Variants in TRPM3 observed in about 807,000 individuals in gnomAD.
TRPM3 encodes the protein long transient receptor potential channel 3.
Under a neutral mutation model 181.2 loss-of-function variants are expected in TRPM3, and 77 were observed. That is an observed-to-expected ratio of 0.42 (90% CI 0.35 to 0.51). TRPM3 has a LOEUF of 0.51. Among genes scored for constraint, TRPM3 ranks in the 20% least tolerant of loss-of-function variants. The pLI is 0.01. For missense variants in TRPM3, 1,759 were observed against 2,196.7 expected (o/e 0.80, Z 3.98); for synonymous variants, 745 against 796.4 (o/e 0.94, Z 1.09).
At chr9:71,077,262 T>C (rs1218123036) in intron 1 of TRPM3, among the ~76,000 whole-genome samples, 1 of 149,106 alleles carries the variant, frequency 6.7e-6, no homozygotes, top group Non-Finnish European at 1.5e-5. Context: ...TCAGAAGTAC[T>C]TCTAGGTTTG....
chr9:70,753,932 G>A (rs962079487), intron 8 of TRPM3, among the ~76,000 whole-genome samples: 4 of 152,106 alleles, frequency 2.6e-5, no homozygotes, highest in African/African-American at 9.7e-5. Flanking sequence ...AGCAGAAGGT[G>A]GTGAACTAGG....
At chr9:71,315,177 C>G (rs183965122) in intron 1 of TRPM3, among the ~76,000 whole-genome samples, 1 of 152,128 alleles carries the variant, frequency 6.6e-6, no homozygotes, top group Admixed American at 6.6e-5. Flanking sequence ...TCTTTTCCAT[C>G]TAGACTCAAG....
At chr9:71,273,165 T>C (rs745695599) in intron 1 of TRPM3, among the ~76,000 whole-genome samples, 7 of 152,114 alleles carry the variant, frequency 4.6e-5, no homozygotes, top group Non-Finnish European at 8.8e-5. Context: ...GCCCAGCCTA[T>C]TAAAGCATTT....
intron 1 of TRPM3, among the ~76,000 whole-genome samples, chr9:71,290,825 G>C (rs968940006): frequency 6.6e-6 from 1 of 151,362 alleles, no homozygotes; most frequent in African/African-American, 2.4e-5. Flanking sequence ...TTATTAAACT[G>C]TATAGGACCT....
At chr9:71,342,809 G>A (rs754788096) in intron 1 of TRPM3, among the ~76,000 whole-genome samples, 4 of 152,094 alleles carry the variant, frequency 2.6e-5, no homozygotes, top group Admixed American at 6.6e-5. Context: ...ATTGGAATGA[G>A]CCAAAATGTC....
upstream of TRPM3, among the ~76,000 whole-genome samples, chr9:71,123,307 A>G (rs932676407): frequency 6.6e-6 from 1 of 152,236 alleles, no homozygotes; most frequent in African/African-American, 2.4e-5. Flanking sequence ...GTATTAGTTA[A>G]CAGCATGAAT....
intron 6 of TRPM3, among the ~76,000 whole-genome samples, chr9:70,788,609 T>C (rs952273628): frequency 2.0e-5 from 3 of 152,106 alleles, no homozygotes; most frequent in African/African-American, 7.2e-5. Flanking sequence ...ATGGTTCAAG[T>C]GCATTGCATT....
At position 70,625,610 on chromosome 9, in the gene TRPM3, G is replaced by GA. The variant is rs2064437054; in HGVS notation, c.1633-94dup. 9 of 1,280,308 alleles carry GA rather than the reference G, an allele frequency of 7.0e-6. No homozygotes were observed. The highest frequency in any genetic ancestry group is 1.3e-5 in the South Asian group (1 of 76,962). 79.3% of individuals were successfully genotyped at this position (1,280,308 alleles called of 1,614,324 possible). On this transcript the variant is annotated intron_variant, in intron 12 of 25. Coordinates refer to ENST00000677713, the MANE Select transcript of TRPM3 (RefSeq NM_001366145.2). This position sits in a 1 kb window ranked among gnomAD's most constrained non-coding sequence, Gnocchi z 4.8. ...ATTTATTCAAGTCTTCAGCTGGGGA[G>GA]AAAAAAACACCAGTGTAGAAGAAAG...
intron 3 of TRPM3, among the ~76,000 whole-genome samples, chr9:70,848,543 T>C (rs1327452454): frequency 2.0e-5 from 3 of 152,092 alleles, no homozygotes; most frequent in African/African-American, 4.8e-5. Flanking sequence ...ACACATCACA[T>C]GTAACACCAA....
intron 1 of TRPM3, among the ~76,000 whole-genome samples, chr9:71,431,647 A>G (rs2093955225): frequency 6.6e-6 from 1 of 152,214 alleles, no homozygotes; most frequent in South Asian, 2.1e-4. Context: ...AAGGGTAGTT[A>G]TATTTGAATT....
chr9:70,537,265 G>C lies in TRPM3; in HGVS notation c.3848C>G (p.Thr1283Arg). 5 of 1,588,076 alleles carry C rather than the reference G, an allele frequency of 3.1e-6. No individual in the cohort carries two copies. The highest frequency in any genetic ancestry group is 4.3e-6 in the Non-Finnish European group (5 of 1,162,370). ...GRMATALERL[T>R]GLERAESNKI... is the part of the protein sequence containing the mutation. ...GTTGGACTCGGCCCGCTCCAGACCT[G>C]TCAGGCGCTCCAGGGCCGTGGCCAT... The change falls in exon 26 of 26, where the codon ACA (threonine) becomes AGA (arginine). Residue 1283 changes from threonine (T) to arginine (R), a missense_variant. By Grantham distance (71) the Thr-to-Arg change is moderately conservative. Transcript: ENST00000677713.
chr9:70,614,337 C>T (rs2062444382), intron 18 of TRPM3, among the ~76,000 whole-genome samples: 1 of 149,530 alleles, frequency 6.7e-6, no homozygotes, highest in African/African-American at 2.5e-5. Context: ...AAAAAAAAGG[C>T]CAGGTGTTGT....
intron 12 of TRPM3, among the ~76,000 whole-genome samples, chr9:70,630,468 G>A (rs2065611605): frequency 6.6e-6 from 1 of 152,222 alleles, no homozygotes; most frequent in African/African-American, 2.4e-5. Flanking sequence ...TGGGGATGGG[G>A]TGGTGCTCAG....
chr9:70,558,259 A>G (rs543259514), intron 22 of TRPM3, among the ~76,000 whole-genome samples: 1 of 152,326 alleles, frequency 6.6e-6, no homozygotes, highest in African/African-American at 2.4e-5. Flanking sequence ...AGCCTTCTAT[A>G]GTCATAAAAA....
At position 71,398,524 on chromosome 9, in the gene TRPM3, T is replaced by C. The variant is rs72735843; in HGVS notation, c.183+48129A>G. 3.5e-3 allele frequency among the ~76,000 whole-genome samples: 525 copies of C among 152,118 alleles called. 3 individuals are homozygous for C. The highest frequency in any genetic ancestry group is 4.6e-3 in the Non-Finnish European group (310 of 67,990). ...TTCCCCCATGGTGTCCTCATGAGAG[T>C]GAATGAGTTCTCAGGAGATCTGATG... On this transcript the variant is annotated intron_variant, in intron 1 of 24. Coordinates refer to the TRPM3 transcript ENST00000357533.
chr9:71,391,640 G>A (rs1363587073), intron 1 of TRPM3, among the ~76,000 whole-genome samples: 1 of 151,888 alleles, frequency 6.6e-6, no homozygotes, highest in South Asian at 2.1e-4. Context: ...AATCCATTTC[G>A]GGGAGTTTTA....
chr9:71,122,801 G>A (rs1352703626), upstream of TRPM3, among the ~76,000 whole-genome samples: 1 of 152,146 alleles, frequency 6.6e-6, no homozygotes, highest in Non-Finnish European at 1.5e-5. Flanking sequence ...CGGGTGGAAG[G>A]CAGACCATTG....
chr9:70,628,433 G>C (rs1377342827), intron 12 of TRPM3, among the ~76,000 whole-genome samples: 1 of 152,172 alleles, frequency 6.6e-6, no homozygotes, highest in Non-Finnish European at 1.5e-5. Context: ...GTGTTCAAAG[G>C]CCAGGTTTCA....
At chr9:71,054,516 T>C (rs1161886684) in intron 1 of TRPM3, among the ~76,000 whole-genome samples, 3 of 152,134 alleles carry the variant, frequency 2.0e-5, no homozygotes, top group African/African-American at 7.2e-5. Flanking sequence ...CATCCAGTAG[T>C]CCAGTAGCAC....
Sources: allele counts gnomAD v4.1 joint callset (sites outside exome capture counted in the v4.1 genomes callset), GRCh38; gene constraint gnomAD v4.1.1; non-coding constraint Gnocchi (gnomAD v3.1); transcripts MANE v1.5; gene names NCBI Gene and HGNC (gene_info 2026-07-23, HGNC 2026-07-21).